The following PRTG variants were observed in gnomAD, a reference collection of about 807,000 sequenced individuals.
PRTG encodes protogenin.
In PRTG, 67 loss-of-function variants were observed where a neutral mutation model predicts 122.5. The ratio of observed to expected loss-of-function variants is 0.55; its 90% CI spans 0.45 to 0.67. The LOEUF (loss-of-function observed/expected upper bound fraction) is 0.67. Among genes scored for constraint, PRTG ranks in the 30% least tolerant of loss-of-function variants. PRTG has a pLI of 0.00. For synonymous variants in PRTG, 554 were observed against 501.1 expected (o/e 1.11, Z -1.41); for missense variants, 1,435 against 1,415.4 (o/e 1.01, Z -0.22).
chr15:55,702,971 T>C (rs950185741), intron 2 of PRTG: 1 of 969,490 alleles, frequency 1.0e-6, no homozygotes, highest in Non-Finnish European at 1.2e-6. Context: ...TAAACCTATC[T>C]TGGGAATTCT....
chr15:55,699,583 CATT>C (rs1349135584), intron 2 of PRTG, among the ~76,000 whole-genome samples: 6 of 152,154 alleles, frequency 3.9e-5, no homozygotes, highest in African/African-American at 1.4e-4. Context: ...TTTTCAGCAT[CATT>C]ATTTTGTACA....
chr15:55,709,483 A>C (rs2030295276), intron 2 of PRTG, among the ~76,000 whole-genome samples: 2 of 151,556 alleles, frequency 1.3e-5, no homozygotes, highest in Admixed American at 6.6e-5. Context: ...AAAGTTAAAT[A>C]GTTAAATATA....
chr15:55,655,922 T>C (rs767642754), intron 11 of PRTG: 6 of 152,808 alleles, frequency 3.9e-5, no homozygotes, highest in African/African-American at 1.4e-4. Context: ...TTTTTAAACC[T>C]TTAAAATTAG....
chr15:55,618,537 GT>G lies in PRTG; in HGVS notation c.*1474del, dbSNP rs2059150475. On this transcript the variant is annotated 3_prime_UTR_variant, in exon 20 of 20. Coordinates refer to ENST00000389286, the MANE Select transcript of PRTG (RefSeq NM_173814.6). ...GTCTCATGACGGAGAAAAGGCCTAT[GT>G]TATGTAGCTGAGTAAACAATTTGCT... The G allele has an allele frequency of 6.6e-6, 1 of 152,184 alleles. No homozygotes were observed. Among genetic ancestry groups the G allele is most frequent in the South Asian group, 2.1e-4 (1 of 4,826 alleles). 9.4% of individuals were successfully genotyped at this position (152,184 alleles called of 1,614,324 possible). A position where few individuals can be genotyped will look rare whatever the true frequency, so the allele number is the denominator to read the frequency against.
chr15:55,645,889 C>T (rs887922767), intron 11 of PRTG, among the ~76,000 whole-genome samples: 2 of 152,136 alleles, frequency 1.3e-5, no homozygotes, highest in African/African-American at 4.8e-5. Context: ...ACAAACAGGG[C>T]AGGCCTCCTC....
chr15:55,705,320 C>T (rs2030058415), intron 2 of PRTG, among the ~76,000 whole-genome samples: 1 of 152,158 alleles, frequency 6.6e-6, no homozygotes, highest in Admixed American at 6.5e-5. Context: ...TCCTTTTCTC[C>T]AATTTTCTCT....
chr15:55,718,073 G>A (rs149824435), intron 2 of PRTG, among the ~76,000 whole-genome samples: 2 of 152,170 alleles, frequency 1.3e-5, no homozygotes, highest in East Asian at 3.9e-4. Flanking sequence ...TCTGGTAAGC[G>A]GCCTTTTTTT....
In PRTG at chr15:55,711,051, C is replaced by T. The variant is rs184584996; in HGVS notation, c.398-27120G>A. 1.7e-3 allele frequency among the ~76,000 whole-genome samples: 250 copies of T among 151,052 alleles called. 2 individuals are homozygous for T. The highest frequency in any genetic ancestry group is 9.7e-4 in the Non-Finnish European group (66 of 67,836). On this transcript the variant is annotated intron_variant, in intron 2 of 19. Transcript: ENST00000389286. ...CTTCACGAGTAGCTGGGATTACAGG[C>T]GCCTGCCACCACACCCAGCTAATTT...
Position 55,677,961 on chromosome 15 carries a change from G to C in PRTG, c.1217C>G (p.Ser406Cys). The stretch of plus-strand genomic sequence containing the variant: ...CATCACTACAGTCAGTCTGGCTCTA[G>C]ATAAAATAGATCCTTGGCTATTCTC... ...MAENSQGSIL[S>C]RARLTVVMSE... Residue 406 changes from serine to cysteine, a missense_variant, in exon 8 of 20, where the codon TCT becomes TGT. Coordinates refer to ENST00000389286, the MANE Select transcript of PRTG (RefSeq NM_173814.6). 1.2e-6 allele frequency: 2 copies of C among 1,612,846 alleles called. No homozygotes were observed. Among genetic ancestry groups the C allele is most frequent in the Non-Finnish European group, 1.7e-6 (2 of 1,179,108 alleles).
intron 6 of PRTG, 85 bp from the exon 7 acceptor site, chr15:55,679,530 C>A: frequency 1.0e-6 from 1 of 1,004,626 alleles, no homozygotes; most frequent in Non-Finnish European, 1.4e-6. Flanking sequence ...GCAAATGAAA[C>A]AAGCCCCATT....
chr15:55,632,727 C>A (rs1158924867), intron 15 of PRTG, among the ~76,000 whole-genome samples: 1 of 152,224 alleles, frequency 6.6e-6, no homozygotes, highest in African/African-American at 2.4e-5. Flanking sequence ...CTATCTCTAT[C>A]ACTTTGTCTC....
At chr15:55,638,764 T>A (rs1209355552) in intron 13 of PRTG, 88 bp from the exon 14 acceptor site, 1 of 1,165,330 alleles carries the variant, frequency 8.6e-7, no homozygotes, top group East Asian at 2.5e-5. Context: ...GGTAAGGGCA[T>A]AATGTTATTT....
chr15:55,659,909 A>G (rs536808696), intron 11 of PRTG, among the ~76,000 whole-genome samples: 46 of 144,028 alleles, frequency 3.2e-4, no homozygotes, highest in African/African-American at 9.8e-4. Context: ...ACAGAGACAG[A>G]CTTCAAAAAA....
intron 2 of PRTG, among the ~76,000 whole-genome samples, chr15:55,738,021 T>TACACACACAC (rs1465755534): frequency 9.7e-5 from 10 of 102,908 alleles, no homozygotes; most frequent in African/African-American, 3.2e-4. Flanking sequence ...TATATATATA[T>TACACACACAC]ATATACACAC....
chr15:55,620,180 T>C lies in PRTG; in HGVS notation c.3285A>G (p.Pro1095=), dbSNP rs1567070944. The stretch of plus-strand genomic sequence containing the variant: ...GTCTTGAGAAGCTGGTTGTCTGACC[T>C]GGGGAGCTAGGGGAGTCTTCATCAC... ...LISDEDSPSS[P]GQTTSFSRPF... is the part of the protein sequence containing the mutation. The change falls in exon 20 of 20, where the codon CCA becomes CCG. Residue 1095 remains proline (P), a synonymous_variant. Coordinates refer to ENST00000389286, the MANE Select transcript of PRTG (RefSeq NM_173814.6). 1.9e-6 allele frequency: 3 copies of C among 1,614,206 alleles called. No homozygotes were observed. Among genetic ancestry groups the C allele is most frequent in the Admixed American group, 1.7e-5 (1 of 60,018 alleles).
intron 2 of PRTG, 92 bp downstream of exon 2, chr15:55,740,290 G>T: frequency 1.7e-6 from 2 of 1,204,844 alleles, no homozygotes; most frequent in Non-Finnish European, 1.2e-6. Flanking sequence ...CTTAATGCAT[G>T]CATGATTCGG....
At chr15:55,689,392 C>T (rs1464822980) in intron 2 of PRTG, among the ~76,000 whole-genome samples, 3 of 152,100 alleles carry the variant, frequency 2.0e-5, no homozygotes, top group Non-Finnish European at 4.4e-5. Flanking sequence ...GAAAAAAAAT[C>T]TTCCTTTATG....
At chr15:55,656,284 T>G (rs1004712223) in intron 11 of PRTG, 15 of 448,688 alleles carry the variant, frequency 3.3e-5, no homozygotes, top group South Asian at 1.9e-4. Context: ...AGGATGGCAT[T>G]TCCAGTTGAG....
chr15:55,672,771 C>A (rs1595637612), intron 10 of PRTG, 138 bp from the exon 11 acceptor site: 1 of 530,352 alleles, frequency 1.9e-6, no homozygotes, highest in South Asian at 4.5e-5. Flanking sequence ...ACCTAACTTT[C>A]CAAATTTCAC....
Sources: allele counts gnomAD v4.1 joint callset (sites outside exome capture counted in the v4.1 genomes callset), GRCh38; gene constraint gnomAD v4.1.1; transcripts MANE v1.5; gene names NCBI Gene and HGNC (gene_info 2026-07-23, HGNC 2026-07-21).